MCCC1: variants seen among roughly 807,000 people sequenced by gnomAD.
The protein encoded by MCCC1 is methylcrotonoyl-CoA carboxylase subunit alpha, mitochondrial.
A neutral mutation model predicts 83.8 loss-of-function variants in MCCC1; 64 were observed. That is an observed-to-expected ratio of 0.76 (90% CI 0.62 to 0.94). MCCC1 has a LOEUF of 0.94. Ranked by LOEUF, MCCC1 falls within the 40% of genes least tolerant of loss-of-function variation. The pLI is 0.00. For synonymous variants in MCCC1, 322 were observed against 315.4 expected, an observed-to-expected ratio of 1.02 and a Z score of -0.22; for missense variants, 807 against 904.7, an observed-to-expected ratio of 0.89 and a Z score of 1.39.
upstream of MCCC1, among the ~76,000 whole-genome samples, chr3:183,101,142 G>T (rs958734144): frequency 6.6e-6 from 1 of 152,254 alleles, no homozygotes; most frequent in Non-Finnish European, 1.5e-5. Context: ...CACGGGGCAG[G>T]GCTCGGGACC....
At chr3:183,099,608 C>A, upstream of MCCC1, 2 of 760,922 alleles carry the variant, frequency 2.6e-6, no homozygotes, top group Non-Finnish European at 4.3e-6. Context: ...CCACGAACAC[C>A]AATCAAAGAC....
At chr3:183,023,108 T>C (rs1281072886) in intron 15 of MCCC1, among the ~76,000 whole-genome samples, 1 of 152,132 alleles carries the variant, frequency 6.6e-6, no homozygotes, top group East Asian at 1.9e-4. Context: ...ATTTTCTCAC[T>C]CTCAGAGACC....
intron 3 of MCCC1, among the ~76,000 whole-genome samples, chr3:183,091,838 A>G (rs1023619191): frequency 2.6e-5 from 4 of 152,108 alleles, no homozygotes; most frequent in African/African-American, 7.2e-5. Context: ...GCAGATTGAG[A>G]CCATCCTGGC....
chr3:183,086,567 G>A, intron 4 of MCCC1, 126 bp downstream of exon 4: 5 of 835,616 alleles, frequency 6.0e-6, no homozygotes, highest in Non-Finnish European at 9.9e-6. Flanking sequence ...AGTTTACAAT[G>A]ATAATCCAAT....
intron 13 of MCCC1, among the ~76,000 whole-genome samples, chr3:183,034,283 T>C (rs772006703): frequency 3.6e-4 from 54 of 151,978 alleles, no homozygotes; most frequent in Middle Eastern, 3.2e-3. Flanking sequence ...ACCCCGTCTC[T>C]ACTAAAAATA....
At chr3:183,084,436 T>G (rs1270892553) in intron 4 of MCCC1, among the ~76,000 whole-genome samples, 1 of 152,190 alleles carries the variant, frequency 6.6e-6, no homozygotes, top group Non-Finnish European at 1.5e-5. Context: ...GATACATATG[T>G]ATATCTCCAC....
At chr3:183,078,494 C>T (rs1182101758) in intron 4 of MCCC1, among the ~76,000 whole-genome samples, 1 of 152,046 alleles carries the variant, frequency 6.6e-6, no homozygotes, top group Non-Finnish European at 1.5e-5. Flanking sequence ...TATAATGCCA[C>T]CTTAATAATA....
At chr3:183,084,189 G>A (rs965365654) in intron 4 of MCCC1, among the ~76,000 whole-genome samples, 20 of 152,198 alleles carry the variant, frequency 1.3e-4, no homozygotes, top group African/African-American at 4.8e-4. Flanking sequence ...GAGCCACTGT[G>A]TCCAGCTTAA....
At chr3:183,066,000 G>C (rs1716231071) in intron 7 of MCCC1, among the ~76,000 whole-genome samples, 1 of 152,164 alleles carries the variant, frequency 6.6e-6, no homozygotes, top group East Asian at 1.9e-4. Flanking sequence ...GTGAAATTTG[G>C]CTTATTTGGC....
intron 1 of MCCC1, chr3:183,099,139 G>A (rs1718959809): frequency 1.6e-6 from 1 of 612,432 alleles, no homozygotes; most frequent in African/African-American, 1.8e-5. Context: ...CTGAAGCGTG[G>A]ATGTGCGGAA....
chr3:183,020,339 T>G (rs1326337106), intron 16 of MCCC1, 102 bp from the exon 17 acceptor site: 3 of 982,190 alleles, frequency 3.1e-6, no homozygotes, highest in Admixed American at 4.0e-5. Flanking sequence ...TTGTTAAATA[T>G]TAGTCATCAT....
chr3:183,106,943 C>T (rs1719416127), intron 1 of MCCC1, among the ~76,000 whole-genome samples: 1 of 152,010 alleles, frequency 6.6e-6, no homozygotes, highest in Non-Finnish European at 1.5e-5. Flanking sequence ...AGGCTGCAGA[C>T]ATGATGCCTT....
At chr3:183,020,416 G>C (rs1712055957) in intron 16 of MCCC1, among the ~76,000 whole-genome samples, 179 bp from the exon 17 acceptor site, 1 of 152,130 alleles carries the variant, frequency 6.6e-6, no homozygotes, top group African/African-American at 2.4e-5. Context: ...CAGATGGCTT[G>C]AGCCCAGGAG....
intron 4 of MCCC1, among the ~76,000 whole-genome samples, chr3:183,085,466 C>CA (rs199836332): frequency 0.027 from 4,135 of 151,488 alleles, 202 homozygotes; most frequent in African/African-American, 0.096. Context: ...CCCATCCCTA[C>CA]AAAAAATAAA....
chr3:183,016,164 T>C (rs1711603631), intron 18 of MCCC1: 1 of 155,362 alleles, frequency 6.4e-6, no homozygotes, highest in African/African-American at 2.4e-5. Flanking sequence ...CCTGACCTCA[T>C]GATCCACCCA....
intron 18 of MCCC1, 50 bp downstream of exon 18, chr3:183,017,216 T>A: frequency 6.7e-7 from 1 of 1,495,870 alleles, no homozygotes; most frequent in East Asian, 2.3e-5. Flanking sequence ...AACCATTAGG[T>A]ATGATTGCTC....
intron 13 of MCCC1, among the ~76,000 whole-genome samples, chr3:183,035,460 CACTT>C (rs1056041198): frequency 2.0e-5 from 3 of 151,334 alleles, no homozygotes; most frequent in African/African-American, 7.3e-5. Flanking sequence ...GGTTCAGTAT[CACTT>C]ACCCAAAATG....
chr3:183,017,536 T>C (rs934713401), intron 17 of MCCC1, 199 bp from the exon 18 acceptor site: 1 of 584,554 alleles, frequency 1.7e-6, no homozygotes, highest in Non-Finnish European at 3.0e-6. Flanking sequence ...ATTTGGTATA[T>C]AAACTTACAG....
At chr3:183,017,212 TA>T in intron 18 of MCCC1, 53 bp downstream of exon 18, 2 of 1,456,226 alleles carry the variant, frequency 1.4e-6, no homozygotes, top group Admixed American at 3.3e-5. Context: ...AAAGAACCAT[TA>T]GGTATGATTG....
Sources: gnomAD v4.1 joint callset for allele counts (sites outside exome capture counted in the v4.1 genomes callset) on GRCh38, gnomAD v4.1.1 for gene constraint, MANE v1.5 for transcripts, NCBI Gene and HGNC (gene_info 2026-07-23, HGNC 2026-07-21) for gene names.